Variants in ARGLU1 observed in about 807,000 individuals in gnomAD.
The protein encoded by ARGLU1 is arginine and glutamate rich 1, also known as arginine and glutamate-rich protein 1.
In ARGLU1, 9 loss-of-function variants were observed where a neutral mutation model predicts 37.6. The observed-to-expected ratio is 0.24, with a 90% confidence interval of 0.14 to 0.42. The LOEUF (loss-of-function observed/expected upper bound fraction) is 0.42, where lower values mean the gene tolerates loss of function less well. Among genes scored for constraint, ARGLU1 ranks in the 10% least tolerant of loss-of-function variants. The probability of loss-of-function intolerance (pLI) is 1.00; values close to 1 mark genes in which losing one functional copy is unlikely to be tolerated. For missense variants in ARGLU1, 211 were observed against 359.2 expected, an observed-to-expected ratio of 0.59 and a Z score of 3.34; for synonymous variants, 166 against 138.5, an observed-to-expected ratio of 1.20 and a Z score of -1.39.
rs778240041 is a variant in ARGLU1 at position 106,567,544 on chromosome 13, C to A, written c.347+29G>T. 29 of 1,517,554 alleles carry A rather than the reference C, an allele frequency of 1.9e-5. No homozygotes were observed. The South Asian group carries it at 3.0e-4, about 16-fold the overall frequency. 94.0% of individuals were successfully genotyped at this position (1,517,554 alleles called of 1,614,324 possible). A position where few individuals can be genotyped will look rare whatever the true frequency, so the allele number is the denominator to read the frequency against. ...CGCCCCGCGCCCTGCTCTCCGCACGCCCCGGTCCCTCCCCGCGCGGGCACT... is the reference window on the plus strand; with the variant it reads ...CGCCCCGCGCCCTGCTCTCCGCACGACCCGGTCCCTCCCCGCGCGGGCACT... On this transcript the variant is annotated intron_variant, in intron 1 of 3. Coordinates refer to ENST00000400198, the MANE Select transcript of ARGLU1 (RefSeq NM_018011.4). This position sits in a 1 kb window ranked among gnomAD's most constrained non-coding sequence, Gnocchi z 4.3.
chr13:106,567,692 C>T lies in ARGLU1; in HGVS notation c.228G>A (p.Ser76=). 1.2e-6 allele frequency: 2 copies of T among 1,611,102 alleles called. No homozygotes were observed. The highest frequency in any genetic ancestry group is 8.5e-7 in the Non-Finnish European group (1 of 1,178,758). ...AGATGTCGATGCGGTCGGGCGGGGA[C>T]GAGGCGCGCTCCCGGTCCCGCTCGC... ...SRRERDRERA[S]SPPDRIDIFG... The change falls in exon 1 of 4, where the codon TCG becomes TCA. Residue 76 remains serine, a synonymous_variant. Coordinates refer to ENST00000400198, the MANE Select transcript of ARGLU1 (RefSeq NM_018011.4). The surrounding 1 kb of genome is among the most constrained non-coding windows in gnomAD (Gnocchi z 4.3).
chr13:106,561,069 G>A (rs1880787037), intron 1 of ARGLU1, among the ~76,000 whole-genome samples: 1 of 152,130 alleles, frequency 6.6e-6, no homozygotes, highest in Non-Finnish European at 1.5e-5. Flanking sequence ...CAAGGAGACA[G>A]TAGGTACTAG....
chr13:106,563,017 A>C (rs1337934341), intron 1 of ARGLU1, among the ~76,000 whole-genome samples: 2 of 149,878 alleles, frequency 1.3e-5, no homozygotes, highest in Non-Finnish European at 3.0e-5. Flanking sequence ...AACAAAAAAA[A>C]AAACCACTAG....
chr13:106,564,415 C>T (rs1285845948), intron 1 of ARGLU1, among the ~76,000 whole-genome samples: 1 of 152,180 alleles, frequency 6.6e-6, no homozygotes, highest in Non-Finnish European at 1.5e-5. Flanking sequence ...TTCAGCAACT[C>T]AGAATTATAA....
At position 106,556,173 on chromosome 13, in the gene ARGLU1, T is replaced by C. The variant is rs78723626; in HGVS notation, c.657+875A>G. On this transcript the variant is annotated intron_variant, in intron 3 of 3. Coordinates refer to ENST00000400198, the MANE Select transcript of ARGLU1 (RefSeq NM_018011.4). Reference sequence around the variant, plus strand: ...ATCCATTTCACATTCCTATTGCTTTTTCTGCCTTAGCAGATTTTAAGATTT... The same window carrying C: ...ATCCATTTCACATTCCTATTGCTTTCTCTGCCTTAGCAGATTTTAAGATTT... Among the ~76,000 whole-genome samples the C allele has an allele frequency of 7.9e-5, 12 of 152,382 alleles. No individual in the cohort carries two copies. In the East Asian group the frequency reaches 2.3e-3, roughly 29 times the overall value.
Position 106,545,287 on chromosome 13 carries a change from T to C in ARGLU1, c.658-1127A>G, listed in dbSNP as rs116954160. The stretch of plus-strand genomic sequence containing the variant: ...TTTTAATATCAGTTATCATGATTTA[T>C]CCTTTTTCCCCTCTATCTGACAGTG... On this transcript the variant is annotated intron_variant, in intron 3 of 3. Coordinates refer to ENST00000400198, the MANE Select transcript of ARGLU1 (RefSeq NM_018011.4). Among the ~76,000 whole-genome samples the C allele has an allele frequency of 1.2e-4, 18 of 152,328 alleles. No individual in the cohort carries two copies. In the East Asian group the frequency reaches 3.3e-3, roughly 28 times the overall value.
chr13:106,562,869 T>C (rs1419315125), intron 1 of ARGLU1, among the ~76,000 whole-genome samples: 1 of 150,626 alleles, frequency 6.6e-6, no homozygotes, highest in Non-Finnish European at 1.5e-5. Flanking sequence ...AAAAATTAGC[T>C]GGGTGTGGTG....
In ARGLU1 at chr13:106,559,277, G is replaced by A. The variant is rs1174645465; in HGVS notation, c.573+155C>T. The A allele has an allele frequency of 1.4e-5, 22 of 1,535,990 alleles. No homozygotes were observed. In the Admixed American group the frequency reaches 4.3e-4, roughly 30 times the overall value. ...GTTATCAGTCAGCACTTCTGAATAG[G>A]CTAAAAAATTAACTTTCGCAGCAAT... On this transcript the variant is annotated intron_variant, in intron 2 of 3. Coordinates refer to ENST00000400198, the MANE Select transcript of ARGLU1 (RefSeq NM_018011.4).
At chr13:106,549,906 T>C (rs1241648250) in intron 3 of ARGLU1, among the ~76,000 whole-genome samples, 1 of 152,236 alleles carries the variant, frequency 6.6e-6, no homozygotes, top group African/African-American at 2.4e-5. Context: ...GACTGCTGTA[T>C]AATTTTGCCA....
chr13:106,545,326 C>T (rs927083765), intron 3 of ARGLU1, among the ~76,000 whole-genome samples: 2 of 152,178 alleles, frequency 1.3e-5, no homozygotes, highest in Non-Finnish European at 1.5e-5. Flanking sequence ...TTAAAACATT[C>T]GCTGCATCCT....
chr13:106,564,656 G>A (rs1300758117), intron 1 of ARGLU1, among the ~76,000 whole-genome samples: 1 of 151,958 alleles, frequency 6.6e-6, no homozygotes, highest in African/African-American at 2.4e-5. Flanking sequence ...TGAATGAACC[G>A]CTCTCCTCTC....
At position 106,557,684 on chromosome 13, in the gene ARGLU1, C is replaced by A; in HGVS notation, c.574-553G>T. ...AGCAGCTCAACCATTTATAAAGAAACAACATACAAGGAAGGCTGAGCTGAG... is the reference window on the plus strand; with the variant it reads ...AGCAGCTCAACCATTTATAAAGAAAAAACATACAAGGAAGGCTGAGCTGAG... On this transcript the variant is annotated intron_variant, in intron 2 of 3. Transcript: ENST00000400198. This position sits in a 1 kb window ranked among gnomAD's most constrained non-coding sequence, Gnocchi z 5.0. 6.5e-7 allele frequency: 1 copy of A among 1,539,882 alleles called. No individual in the cohort carries two copies. Among genetic ancestry groups the A allele is most frequent in the Non-Finnish European group, 8.8e-7 (1 of 1,140,152 alleles).
At chr13:106,561,370 G>T (rs1211647441) in intron 1 of ARGLU1, among the ~76,000 whole-genome samples, 2 of 150,692 alleles carry the variant, frequency 1.3e-5, no homozygotes, top group Non-Finnish European at 2.9e-5. Context: ...GAGTACCCAA[G>T]AATAATAATA....
intron 3 of ARGLU1, among the ~76,000 whole-genome samples, chr13:106,555,356 C>T (rs1037000653): frequency 2.6e-5 from 4 of 151,706 alleles, no homozygotes; most frequent in Non-Finnish European, 2.9e-5. Context: ...AGCAAAACTC[C>T]GTCTCAAAAA....
chr13:106,556,342 C>G (rs1018748525), intron 3 of ARGLU1, among the ~76,000 whole-genome samples: 6 of 152,164 alleles, frequency 3.9e-5, no homozygotes, highest in African/African-American at 1.4e-4. Flanking sequence ...CCAGAGTACT[C>G]TATTTTTCAG....
At position 106,566,382 on chromosome 13, in the gene ARGLU1, G is replaced by A. The variant is rs141240065; in HGVS notation, c.347+1191C>T. Among the ~76,000 whole-genome samples the A allele has an allele frequency of 3.0e-3, 464 of 152,254 alleles. 1 individual carries two copies. The highest frequency in any genetic ancestry group is 0.017 in the Middle Eastern group (5 of 294). On this transcript the variant is annotated intron_variant, in intron 1 of 3. Transcript: ENST00000400198. ...CCAACTACAGAAAACTACAAACCAC[G>A]CAGTCAATTCAGCACACATATACTC...
intron 2 of ARGLU1, chr13:106,558,416 G>A (rs1238737857): frequency 2.0e-6 from 2 of 985,244 alleles, no homozygotes; most frequent in African/African-American, 3.5e-5. Flanking sequence ...ATGCCAAGAT[G>A]AAAAATGACA....
At chr13:106,546,354 T>C (rs1297003104) in intron 3 of ARGLU1, among the ~76,000 whole-genome samples, 7 of 152,248 alleles carry the variant, frequency 4.6e-5, no homozygotes, top group Non-Finnish European at 1.0e-4. Context: ...AGATTTTCTA[T>C]AACCTGGCTC....
At chr13:106,562,960 C>T (rs1880852996) in intron 1 of ARGLU1, among the ~76,000 whole-genome samples, 1 of 140,126 alleles carries the variant, frequency 7.1e-6, no homozygotes, top group Admixed American at 7.5e-5. Flanking sequence ...CACTGCACTC[C>T]AGCCTGGGCG....
Sources: gnomAD v4.1 joint callset for allele counts (sites outside exome capture counted in the v4.1 genomes callset) on GRCh38, gnomAD v4.1.1 for gene constraint, Gnocchi (gnomAD v3.1) non-coding constraint, MANE v1.5 for transcripts, NCBI Gene and HGNC (gene_info 2026-07-23, HGNC 2026-07-21) for gene names.